Variants in CCDC6 observed in about 807,000 individuals in gnomAD.
CCDC6 encodes the protein coiled-coil domain-containing protein 6.
A neutral mutation model predicts 56.6 loss-of-function variants in CCDC6; 20 were observed. That is an observed-to-expected ratio of 0.35 (90% CI 0.25 to 0.51). The LOEUF (loss-of-function observed/expected upper bound fraction) is 0.51, where lower values mean the gene tolerates loss of function less well. Ranked by LOEUF, CCDC6 falls within the 20% of genes least tolerant of loss-of-function variation. The pLI is 0.95. For synonymous variants in CCDC6, 241 were observed against 234.4 expected, an observed-to-expected ratio of 1.03 and a Z score of -0.26; for missense variants, 367 against 601.1, an observed-to-expected ratio of 0.61 and a Z score of 4.07.
At chr10:59,884,324 C>T (rs533115403) in intron 1 of CCDC6, among the ~76,000 whole-genome samples, 1 of 152,116 alleles carries the variant, frequency 6.6e-6, no homozygotes, top group African/African-American at 2.4e-5. Flanking sequence ...GTCGAGACAG[C>T]GACGACAATA....
chr10:59,889,008 T>C (rs576665882), intron 1 of CCDC6, among the ~76,000 whole-genome samples: 1 of 151,900 alleles, frequency 6.6e-6, no homozygotes, highest in African/African-American at 2.4e-5. Context: ...TCCCAGGGTA[T>C]CAACATCCTC....
chr10:59,812,676 A>G lies in CCDC6; in HGVS notation c.806T>C (p.Val269Ala). 2.5e-6 allele frequency: 4 copies of G among 1,613,582 alleles called. No homozygotes were observed. Among genetic ancestry groups the G allele is most frequent in the Non-Finnish European group, 3.4e-6 (4 of 1,179,624 alleles). The stretch of plus-strand genomic sequence containing the variant: ...TCTCAGTTGCTTCTTCAGCCGTTCC[A>G]CTTCATTCTTTAAAAACCTGATGTG... ...MRHIRFLKNE[V>A]ERLKKQLRAA... is the part of the protein sequence containing the mutation. Residue 269 changes from valine (V) to alanine (A), a missense_variant, in exon 5 of 9, where the codon GTG (valine) becomes GCG (alanine). Physicochemically the swap from Val to Ala is moderately conservative, Grantham distance 64. This residue lies in a region of CCDC6 where 81 missense variants were observed against 150.8 expected (regional missense o/e 0.54). Coordinates refer to ENST00000263102, the MANE Select transcript of CCDC6 (RefSeq NM_005436.5).
At chr10:59,871,747 C>A (rs2132668798) in intron 1 of CCDC6, among the ~76,000 whole-genome samples, 1 of 152,266 alleles carries the variant, frequency 6.6e-6, no homozygotes, top group East Asian at 1.9e-4. Flanking sequence ...AATATGAAGT[C>A]CTTTATGGCA....
At chr10:59,847,295 C>T (rs1201642929) in intron 2 of CCDC6, among the ~76,000 whole-genome samples, 4 of 152,064 alleles carry the variant, frequency 2.6e-5, no homozygotes, top group African/African-American at 9.7e-5. Flanking sequence ...CCTCGTGATC[C>T]GCCCGCCTCG....
intron 1 of CCDC6, among the ~76,000 whole-genome samples, chr10:59,855,123 T>G (rs1165401115): frequency 1.3e-5 from 2 of 152,272 alleles, no homozygotes; most frequent in East Asian, 3.9e-4. Context: ...AAATAGAAAA[T>G]AAGAAACTAA....
rs1161769114 is a variant in CCDC6, at chr10:59,906,470, C to T, written c.-46G>A. 5 of 1,430,244 alleles carry T rather than the reference C, an allele frequency of 3.5e-6. No homozygotes were observed. In the Admixed American group the frequency reaches 1.2e-4, roughly 34 times the overall value. 88.6% of individuals were successfully genotyped at this position (1,430,244 alleles called of 1,614,324 possible). On this transcript the variant is annotated 5_prime_UTR_variant, in exon 1 of 9. Coordinates refer to ENST00000263102, the MANE Select transcript of CCDC6 (RefSeq NM_005436.5). ...AGGAGGAGGAGCAGCAGGGAGGCGG[C>T]GGCGACGAAGGCCGGGCTGCGAATG...
In CCDC6 at chr10:59,793,093, T is replaced by C; in HGVS notation, c.1249A>G (p.Ser417Gly). The C allele has an allele frequency of 6.2e-7, 1 of 1,614,118 alleles. No homozygotes were observed. Among genetic ancestry groups the C allele is most frequent in the Non-Finnish European group, 8.5e-7 (1 of 1,179,996 alleles). ...CGTTTGAATTTGTCAGGACTGTTGC[T>C]TCTCCGTGGTGAAGGCCTCTGCAGA... ...HGITRPSPRR[S>G]NSPDKFKRPT... is the part of the protein sequence containing the mutation. The change falls in exon 9 of 9, where the codon AGC becomes GGC. Residue 417 changes from serine to glycine, a missense_variant. This residue lies in a region of CCDC6 where 79 missense variants were observed against 83.9 expected (regional missense o/e 0.94). Coordinates refer to ENST00000263102, the MANE Select transcript of CCDC6 (RefSeq NM_005436.5).
At chr10:59,896,295 G>A (rs939043846) in intron 1 of CCDC6, among the ~76,000 whole-genome samples, 4 of 152,128 alleles carry the variant, frequency 2.6e-5, no homozygotes, top group Admixed American at 2.6e-4. Flanking sequence ...TTGGGGGTAA[G>A]ATATGGGGGG....
At chr10:59,802,150 T>C (rs926714084) in intron 7 of CCDC6, among the ~76,000 whole-genome samples, 26 of 152,196 alleles carry the variant, frequency 1.7e-4, no homozygotes, top group Non-Finnish European at 3.2e-4. Flanking sequence ...GATAACACTC[T>C]TCCTATATAT....
intron 5 of CCDC6, among the ~76,000 whole-genome samples, chr10:59,812,354 T>C (rs1224235810): frequency 6.6e-6 from 1 of 152,102 alleles, no homozygotes; most frequent in Non-Finnish European, 1.5e-5. Context: ...GAGATAAACA[T>C]GGCAGAGAAG....
chr10:59,810,265 C>G (rs1388584600), intron 5 of CCDC6, among the ~76,000 whole-genome samples: 1 of 152,188 alleles, frequency 6.6e-6, no homozygotes, highest in Non-Finnish European at 1.5e-5. Flanking sequence ...ACTAACACAT[C>G]CTTTAGGCCC....
chr10:59,805,882 T>C (rs1459420093), intron 6 of CCDC6, among the ~76,000 whole-genome samples: 1 of 152,226 alleles, frequency 6.6e-6, no homozygotes, highest in Non-Finnish European at 1.5e-5. Flanking sequence ...ACAGCGTTGT[T>C]AGTCCTCTAG....
rs79008528 is a variant in CCDC6 at position 59,806,886 on chromosome 10, T to G, written c.1004+36A>C. On this transcript the variant is annotated intron_variant, in intron 6 of 8. Transcript: ENST00000263102. ...CTCTGTAGAACCTGGGTTTTATTTT[T>G]TAAACAAAAACAAGGCTCATAAGAC... 2.1e-4 allele frequency: 338 copies of G among 1,590,660 alleles called. No homozygotes were observed. In the African/African-American group the frequency reaches 4.2e-3, roughly 20 times the overall value.
At chr10:59,808,999 C>T (rs1255726622) in intron 5 of CCDC6, among the ~76,000 whole-genome samples, 1 of 152,170 alleles carries the variant, frequency 6.6e-6, no homozygotes, top group Admixed American at 6.5e-5. Flanking sequence ...CTAATCCAGA[C>T]ACAAAAATCT....
chr10:59,898,580 A>G (rs1038117053), intron 1 of CCDC6, among the ~76,000 whole-genome samples: 1 of 152,156 alleles, frequency 6.6e-6, no homozygotes, highest in Non-Finnish European at 1.5e-5. Context: ...GGCTGGAGAG[A>G]AAGGCTGTTT....
At chr10:59,798,597 C>T (rs1791502235) in intron 7 of CCDC6, among the ~76,000 whole-genome samples, 1 of 152,070 alleles carries the variant, frequency 6.6e-6, no homozygotes, top group African/African-American at 2.4e-5. Flanking sequence ...GAACTTTACT[C>T]ATCTGGGAAA....
intron 7 of CCDC6, among the ~76,000 whole-genome samples, chr10:59,800,724 T>G (rs1024160449): frequency 6.6e-6 from 1 of 151,844 alleles, no homozygotes; most frequent in Admixed American, 6.6e-5. Context: ...CTAATTATCA[T>G]GCATCTTCAC....
At chr10:59,813,066 A>C (rs1317770426) in intron 4 of CCDC6, among the ~76,000 whole-genome samples, 2 of 152,230 alleles carry the variant, frequency 1.3e-5, no homozygotes, top group Non-Finnish European at 2.9e-5. Context: ...TCTTTATTTA[A>C]CAACAGGATC....
At chr10:59,864,471 T>C (rs2071159924) in intron 1 of CCDC6, among the ~76,000 whole-genome samples, 1 of 152,164 alleles carries the variant, frequency 6.6e-6, no homozygotes, top group African/African-American at 2.4e-5. Context: ...CTGATCCAAA[T>C]TATTAATATA....
Sources: gnomAD v4.1 joint callset for allele counts (sites outside exome capture counted in the v4.1 genomes callset) on GRCh38, gnomAD v4.1.1 for gene constraint, gnomAD v4.1.1 regional missense constraint, MANE v1.5 for transcripts, NCBI Gene and HGNC (gene_info 2026-07-23, HGNC 2026-07-21) for gene names.